The following IMMP2L variants were observed in gnomAD, a reference collection of about 807,000 sequenced individuals.
IMMP2L encodes the protein inner mitochondrial membrane peptidase subunit 2.
In IMMP2L, 18 loss-of-function variants were observed where a neutral mutation model predicts 19.3. That is an observed-to-expected ratio of 0.93 (90% CI 0.64 to 1.38). The LOEUF is 1.38. Among genes scored for constraint, IMMP2L ranks in the 40% most tolerant of loss-of-function variants. The probability of loss-of-function intolerance (pLI) is 0.00; values close to 1 mark genes in which losing one functional copy is unlikely to be tolerated. For synonymous variants in IMMP2L, 76 were observed against 73.0 expected, an observed-to-expected ratio of 1.04 and a Z score of -0.21; for missense variants, 233 against 218.2, an observed-to-expected ratio of 1.07 and a Z score of -0.43.
intron 3 of IMMP2L, among the ~76,000 whole-genome samples, chr7:111,465,501 TAAAAAAAAA>T (rs757362734): frequency 1.6e-5 from 1 of 64,288 alleles, no homozygotes; most frequent in East Asian, 5.1e-4. Flanking sequence ...CAGGTGTCAC[TAAAAAAAAA>T]AAAAAAAAAA....
chr7:111,032,115 A>G (rs1790889968), intron 3 of IMMP2L, among the ~76,000 whole-genome samples: 1 of 151,894 alleles, frequency 6.6e-6, no homozygotes, highest in African/African-American at 2.4e-5. Context: ...ATTTTTTTGT[A>G]TTTTTAGTAG....
intron 5 of IMMP2L, among the ~76,000 whole-genome samples, chr7:110,713,366 C>A (rs968105777): frequency 6.6e-6 from 1 of 152,118 alleles, no homozygotes; most frequent in Non-Finnish European, 1.5e-5. Flanking sequence ...TTTGTTCTTA[C>A]AGCTTGGGAT....
At chr7:111,390,135 C>T (rs890361473) in intron 3 of IMMP2L, among the ~76,000 whole-genome samples, 1 of 152,148 alleles carries the variant, frequency 6.6e-6, no homozygotes, top group Non-Finnish European at 1.5e-5. Context: ...AGTAGACAGC[C>T]GCCAGGTCAG....
chr7:111,139,086 T>G (rs556908090), intron 3 of IMMP2L, among the ~76,000 whole-genome samples: 2 of 152,270 alleles, frequency 1.3e-5, no homozygotes, highest in East Asian at 3.9e-4. Context: ...AATAAATGAA[T>G]GTGATATCCA....
chr7:110,871,335 T>C (rs945157015), intron 5 of IMMP2L, among the ~76,000 whole-genome samples: 1 of 151,998 alleles, frequency 6.6e-6, no homozygotes, highest in Non-Finnish European at 1.5e-5. Context: ...TCAATTTTCT[T>C]AGGGAGGGTT....
intron 3 of IMMP2L, among the ~76,000 whole-genome samples, chr7:111,472,191 T>A (rs1272616887): frequency 6.6e-6 from 1 of 152,108 alleles, no homozygotes; most frequent in Non-Finnish European, 1.5e-5. Flanking sequence ...TGGGCATGTA[T>A]ATATATACTC....
chr7:111,349,842 C>T (rs1374860710), intron 3 of IMMP2L, among the ~76,000 whole-genome samples: 1 of 152,144 alleles, frequency 6.6e-6, no homozygotes, highest in African/African-American at 2.4e-5. Context: ...GGAGCCCTCT[C>T]CCTGTTCTAG....
At position 111,389,580 on chromosome 7, in the gene IMMP2L, G is replaced by T. The variant is rs187057980; in HGVS notation, c.239+97658C>A. ...ATAATAATGTGTAATGGTAAGAGGA[G>T]AGGGAGGGCAGATTGAGAGAGAGAG... On this transcript the variant is annotated intron_variant, in intron 3 of 5. Coordinates refer to ENST00000405709, the MANE Select transcript of IMMP2L (RefSeq NM_032549.4). Among the ~76,000 whole-genome samples the T allele has an allele frequency of 3.6e-3, 546 of 152,100 alleles. 3 individuals carry two copies. Among genetic ancestry groups the T allele is most frequent in the African/African-American group, 0.013 (521 of 41,494 alleles).
chr7:110,996,964 C>T (rs1823105057), intron 3 of IMMP2L, among the ~76,000 whole-genome samples: 1 of 151,678 alleles, frequency 6.6e-6, no homozygotes, highest in African/African-American at 2.4e-5. Context: ...GATTCATGTA[C>T]CACCAATGTG....
intron 3 of IMMP2L, among the ~76,000 whole-genome samples, chr7:111,341,309 G>A (rs1233289993): frequency 1.3e-5 from 2 of 151,928 alleles, no homozygotes; most frequent in African/African-American, 4.8e-5. Context: ...TTTACTATGA[G>A]CCACTGTTCT....
chr7:110,686,297 C>T (rs1022109876), intron 5 of IMMP2L, among the ~76,000 whole-genome samples: 1 of 152,026 alleles, frequency 6.6e-6, no homozygotes, highest in African/African-American at 2.4e-5. Context: ...CCCCCTGTTT[C>T]CTGAATGTAC....
At chr7:111,117,984 T>C (rs927647477) in intron 3 of IMMP2L, among the ~76,000 whole-genome samples, 1 of 152,118 alleles carries the variant, frequency 6.6e-6, no homozygotes, top group African/African-American at 2.4e-5. Context: ...TTAAATCTTC[T>C]TACTCACATG....
chr7:110,928,848 T>A (rs1321881448), intron 4 of IMMP2L, among the ~76,000 whole-genome samples: 1 of 152,076 alleles, frequency 6.6e-6, no homozygotes, highest in Non-Finnish European at 1.5e-5. Flanking sequence ...CCCCTCCAGG[T>A]TCCTGAGCAG....
intron 5 of IMMP2L, among the ~76,000 whole-genome samples, chr7:110,828,731 C>G (rs1234855925): frequency 6.6e-6 from 1 of 152,104 alleles, no homozygotes; most frequent in South Asian, 2.1e-4. Context: ...AGACTCTCCA[C>G]AGGAAAACAA....
chr7:111,519,195 T>G (rs1170935505), intron 2 of IMMP2L, among the ~76,000 whole-genome samples: 3 of 152,112 alleles, frequency 2.0e-5, no homozygotes, highest in Non-Finnish European at 4.4e-5. Flanking sequence ...CCAGCAGCCA[T>G]GTACCCTGCT....
At chr7:111,178,906 A>G (rs1324635040) in intron 3 of IMMP2L, among the ~76,000 whole-genome samples, 1 of 151,948 alleles carries the variant, frequency 6.6e-6, no homozygotes, top group Non-Finnish European at 1.5e-5. Flanking sequence ...TGATATTTTG[A>G]TCTGTTCTCA....
intron 3 of IMMP2L, among the ~76,000 whole-genome samples, chr7:111,317,588 T>A (rs1024059542): frequency 3.3e-5 from 5 of 151,970 alleles, no homozygotes; most frequent in Admixed American, 6.6e-5. Flanking sequence ...TAAAGGCAAA[T>A]TTTCTTAGCA....
At chr7:111,281,890 G>A (rs1040462942) in intron 3 of IMMP2L, among the ~76,000 whole-genome samples, 3 of 152,132 alleles carry the variant, frequency 2.0e-5, no homozygotes, top group South Asian at 2.1e-4. Flanking sequence ...AACTAAGGTT[G>A]TTTTTATAGA....
At chr7:111,091,037 T>A in intron 3 of IMMP2L, 1 of 152,310 alleles carries the variant, frequency 6.6e-6, no homozygotes, top group East Asian at 1.9e-4. Flanking sequence ...CAGCTGCGAG[T>A]GCTACATCTT....
Sources: allele counts gnomAD v4.1 joint callset (sites outside exome capture counted in the v4.1 genomes callset), GRCh38; gene constraint gnomAD v4.1.1; transcripts MANE v1.5; gene names NCBI Gene and HGNC (gene_info 2026-07-23, HGNC 2026-07-21).